Variants in GLIS1 observed in about 807,000 individuals in gnomAD.
GLIS1 encodes the protein zinc finger protein GLIS1.
In GLIS1, 24 loss-of-function variants were observed where a neutral mutation model predicts 63.8. The observed-to-expected ratio is 0.38, with a 90% CI of 0.27 to 0.53. GLIS1 has a LOEUF of 0.53. Among genes scored for constraint, GLIS1 ranks in the 20% least tolerant of loss-of-function variants. The pLI, the probability that GLIS1 is intolerant of heterozygous loss-of-function variation, is 0.85. For synonymous variants in GLIS1, 450 were observed against 482.5 expected (o/e 0.93, Z 0.88); for missense variants, 1,036 against 1,074.1 (o/e 0.96, Z 0.50).
intron 6 of GLIS1, among the ~76,000 whole-genome samples, chr1:53,522,618 T>C (rs1644421456): frequency 1.3e-5 from 2 of 152,186 alleles, no homozygotes; most frequent in Admixed American, 6.5e-5. Context: ...TGAGCCTTAG[T>C]TTCTCCATCT....
chr1:53,587,941 C>T (rs1645152580), intron 4 of GLIS1, among the ~76,000 whole-genome samples: 1 of 152,182 alleles, frequency 6.6e-6, no homozygotes, highest in Non-Finnish European at 1.5e-5. Context: ...TGGAGTCAGA[C>T]TGAGACCTGG....
chr1:53,714,642 C>A (rs1646679386), intron 2 of GLIS1, among the ~76,000 whole-genome samples: 1 of 152,212 alleles, frequency 6.6e-6, no homozygotes, highest in African/African-American at 2.4e-5. Context: ...ACAAGAAATG[C>A]ATTTTTTCCT....
intron 4 of GLIS1, among the ~76,000 whole-genome samples, chr1:53,546,599 G>A (rs1388681838): frequency 3.3e-5 from 1 of 30,200 alleles, no homozygotes. Context: ...AGAGATGGCA[G>A]GGCTCGTCAA....
chr1:53,555,531 A>AAAAAAC lies in GLIS1; in HGVS notation c.1321-25585_1321-25580dup, dbSNP rs554224973. 4.6e-5 allele frequency among the ~76,000 whole-genome samples: 7 copies of AAAAAAC among 152,304 alleles called. 2 individuals are homozygous for AAAAAAC. The highest frequency in any genetic ancestry group is 1.7e-4 in the African/African-American group (7 of 41,554). ...GGAGATAGAGTGAGACTCTGTCTCAAAAAAACAAAAACAAAAACAAAAACA... is the reference window on the plus strand; with the variant it reads ...GGAGATAGAGTGAGACTCTGTCTCAAAAAAACAAAAACAAAAACAAAAACAAAAACA... On this transcript the variant is annotated intron_variant, in intron 4 of 10. Transcript: ENST00000628545.
intron 2 of GLIS1, among the ~76,000 whole-genome samples, chr1:53,702,304 A>G (rs1158349182): frequency 6.6e-6 from 1 of 152,230 alleles, no homozygotes; most frequent in Non-Finnish European, 1.5e-5. Context: ...GGGGATAAGA[A>G]TAGAACCTAC....
intron 2 of GLIS1, among the ~76,000 whole-genome samples, chr1:53,663,976 C>T (rs1178694940): frequency 1.3e-5 from 2 of 152,244 alleles, no homozygotes; most frequent in African/African-American, 4.8e-5. Context: ...TCCCTTCTCA[C>T]TGACTCCCCT....
In GLIS1 at chr1:53,594,330, C is replaced by G; in HGVS notation, c.1098G>C (p.Val366=). 1 of 1,611,718 alleles carries G rather than the reference C, an allele frequency of 6.2e-7. No individual in the cohort carries two copies. The highest frequency in any genetic ancestry group is 8.5e-7 in the Non-Finnish European group (1 of 1,179,440). The change falls in exon 4 of 11, where the codon GTG becomes GTC. Residue 366 remains valine, a synonymous_variant. Coordinates refer to ENST00000628545, the MANE Select transcript of GLIS1 (RefSeq NM_001367484.1). The part of the protein sequence containing the change: ...GLGLGLAGRV[V]AGRQACRWVD... ...CCCAGCGGCACGCCTGCCGCCCGGC[C>G]ACCACCCTGCCTGCCAGGCCCAGCC...
Position 53,574,568 on chromosome 1 carries a change from C to G in GLIS1, c.1320+19540G>C, listed in dbSNP as rs1378584030. On this transcript the variant is annotated intron_variant, in intron 4 of 10. Transcript: ENST00000628545. This position sits in a 1 kb window ranked among gnomAD's most constrained non-coding sequence, Gnocchi z 4.2. ...GCTTCAGAAAGGTAAAGTGACTTTC[C>G]CCCGGTCACACAGCACAGCAAGCCC... Among the ~76,000 whole-genome samples the G allele has an allele frequency of 6.6e-6, 1 of 152,182 alleles. No homozygotes were observed. The highest frequency in any genetic ancestry group is 2.4e-5 in the African/African-American group (1 of 41,444).
At chr1:53,525,968 A>G (rs912827570) in intron 5 of GLIS1, among the ~76,000 whole-genome samples, 4 of 152,022 alleles carry the variant, frequency 2.6e-5, no homozygotes, top group Admixed American at 6.5e-5. Flanking sequence ...AGGGCAGGGG[A>G]CTCGTGGCTC....
intron 4 of GLIS1, among the ~76,000 whole-genome samples, chr1:53,542,818 A>C (rs1644657900): frequency 6.6e-6 from 1 of 152,174 alleles, no homozygotes; most frequent in African/African-American, 2.4e-5. Flanking sequence ...GGCCCAGGCT[A>C]CCTGGGGCAT....
chr1:53,542,197 T>C (rs1402073926), intron 4 of GLIS1, among the ~76,000 whole-genome samples: 1 of 152,222 alleles, frequency 6.6e-6, no homozygotes, highest in Non-Finnish European at 1.5e-5. Context: ...GCCTCGGTTT[T>C]CATCTGTCAA....
chr1:53,561,001 AAGCCCCTACTGTGTGCCCCCAGGACCG>A (rs1644886812), intron 4 of GLIS1, among the ~76,000 whole-genome samples: 2 of 152,106 alleles, frequency 1.3e-5, no homozygotes, highest in African/African-American at 4.8e-5. Flanking sequence ...CTCCGGGACC[AAGCCCCTACTGTGTGCCCCCAGGACCG>A]AGCCCCTACT....
At chr1:53,614,161 GA>G (rs1186671037) in intron 2 of GLIS1, among the ~76,000 whole-genome samples, 3 of 152,184 alleles carry the variant, frequency 2.0e-5, no homozygotes, top group African/African-American at 7.2e-5. Flanking sequence ...AATGAGAAAG[GA>G]AAGTCTCTAC....
intron 4 of GLIS1, among the ~76,000 whole-genome samples, chr1:53,580,304 C>T (rs1645072645): frequency 6.6e-6 from 1 of 152,198 alleles, no homozygotes; most frequent in Non-Finnish European, 1.5e-5. Flanking sequence ...CTTTCCCGAG[C>T]CCTACAGGCC....
chr1:53,584,368 CA>C (rs1481965272), intron 4 of GLIS1, among the ~76,000 whole-genome samples: 1 of 152,198 alleles, frequency 6.6e-6, no homozygotes, highest in African/African-American at 2.4e-5. Context: ...TATCACATGT[CA>C]AAACCTTCAC....
chr1:53,670,641 T>C (rs1646141596), intron 2 of GLIS1, among the ~76,000 whole-genome samples: 2 of 152,238 alleles, frequency 1.3e-5, no homozygotes, highest in South Asian at 4.1e-4. Flanking sequence ...AATTGCTTCA[T>C]GCTGGGTCTC....
chr1:53,609,361 C>T (rs993224267), intron 2 of GLIS1, among the ~76,000 whole-genome samples: 1 of 147,150 alleles, frequency 6.8e-6, no homozygotes, highest in Non-Finnish European at 1.5e-5. Flanking sequence ...GCAACCTCCA[C>T]CTCCTGGGTT....
At position 53,520,617 on chromosome 1, in the gene GLIS1, C is replaced by A; in HGVS notation, c.1726+17G>T. On this transcript the variant is annotated intron_variant, in intron 7 of 10. Transcript: ENST00000628545. ...CTCCTGGGCTACGCCCCTGGCCCTGCCTCCCCGCACACGTACCTGGGAGCA... is the reference window on the plus strand; with the variant it reads ...CTCCTGGGCTACGCCCCTGGCCCTGACTCCCCGCACACGTACCTGGGAGCA... 1 of 1,594,750 alleles carries A rather than the reference C, an allele frequency of 6.3e-7. No individual in the cohort carries two copies.
At chr1:53,599,980 G>C in intron 3 of GLIS1, 121 bp downstream of exon 3, 1 of 482,766 alleles carries the variant, frequency 2.1e-6, no homozygotes, top group Non-Finnish European at 3.3e-6. Context: ...TCTGAGCTAC[G>C]GGCCCCTCGT....
Sources: gnomAD v4.1 joint callset for allele counts (sites outside exome capture counted in the v4.1 genomes callset) on GRCh38, gnomAD v4.1.1 for gene constraint, Gnocchi (gnomAD v3.1) non-coding constraint, MANE v1.5 for transcripts, NCBI Gene and HGNC (gene_info 2026-07-23, HGNC 2026-07-21) for gene names.